The following HSPD1 variants were observed in gnomAD, a reference collection of about 807,000 sequenced individuals.
HSPD1 encodes the protein 60 kDa heat shock protein, mitochondrial.
A neutral mutation model predicts 53.0 loss-of-function variants in HSPD1; 3 were observed. The observed-to-expected ratio is 0.06, with a 90% confidence interval of 0.03 to 0.15. The LOEUF (loss-of-function observed/expected upper bound fraction) is 0.15. Among genes scored for constraint, HSPD1 ranks in the 10% least tolerant of loss-of-function variants. The pLI is 1.00. For missense variants in HSPD1, 431 were observed against 694.1 expected (o/e 0.62, Z 4.26); for synonymous variants, 200 against 228.0 (o/e 0.88, Z 1.10).
At chr2:197,499,152 G>A (rs949474415) in intron 1 of HSPD1, 10 of 467,962 alleles carry the variant, frequency 2.1e-5, no homozygotes, top group African/African-American at 2.0e-4. Flanking sequence ...CGCGAAAACG[G>A]CCTTGTGGGC....
At chr2:197,498,341 C>G (rs1186685653) in intron 2 of HSPD1, among the ~76,000 whole-genome samples, 1 of 152,220 alleles carries the variant, frequency 6.6e-6, no homozygotes, top group Non-Finnish European at 1.5e-5. Context: ...ACTCTTCTCT[C>G]TACACTTGGC....
rs185789599 is a variant in HSPD1 at position 197,488,760 on chromosome 2, C to T, written c.1215+242G>A. On this transcript the variant is annotated intron_variant, in intron 9 of 11. Transcript: ENST00000388968. ...GCAAGTGCCTGTAATCCCAGCTACT[C>T]GGGAGGCCAAGGCAGGAGATTCGCT... 8.5e-5 allele frequency among the ~76,000 whole-genome samples: 13 copies of T among 152,238 alleles called. No homozygotes were observed. In the East Asian group the frequency reaches 2.5e-3, roughly 29 times the overall value.
At chr2:197,500,193 C>T (rs926665699), upstream of HSPD1, 6 of 590,618 alleles carry the variant, frequency 1.0e-5, no homozygotes, top group African/African-American at 3.8e-5. Flanking sequence ...CTAGAAACAG[C>T]TCCTTTTTTC....
At chr2:197,497,066 C>T (rs759157757) in intron 3 of HSPD1, 74 bp downstream of exon 3, 6 of 1,410,544 alleles carry the variant, frequency 4.3e-6, no homozygotes, top group Non-Finnish European at 6.0e-6. Flanking sequence ...TTAACACTTT[C>T]CTTAGGTCCA....
intron 3 of HSPD1, among the ~76,000 whole-genome samples, chr2:197,496,026 CA>C (rs1266592017): frequency 1.3e-5 from 2 of 151,976 alleles, no homozygotes; most frequent in Non-Finnish European, 2.9e-5. Flanking sequence ...TTAGATGATG[CA>C]AAAAAGGACC....
Position 197,487,848 on chromosome 2 carries a change from A to G in HSPD1, c.1569+10T>C. ...ACAAAAGAATTTTTAGAAAGTGTTCAACCATTTACCTTTGTTGGGTCAATG... is the reference window on the plus strand; with the variant it reads ...ACAAAAGAATTTTTAGAAAGTGTTCGACCATTTACCTTTGTTGGGTCAATG... On this transcript the variant is annotated intron_variant, in intron 11 of 11. Coordinates refer to ENST00000388968, the MANE Select transcript of HSPD1 (RefSeq NM_002156.5). 3.7e-6 allele frequency: 6 copies of G among 1,609,268 alleles called. No individual in the cohort carries two copies. The highest frequency in any genetic ancestry group is 5.1e-6 in the Non-Finnish European group (6 of 1,175,616).
chr2:197,496,546 A>T (rs1236605625), intron 3 of HSPD1, among the ~76,000 whole-genome samples: 1 of 152,222 alleles, frequency 6.6e-6, no homozygotes, highest in Admixed American at 6.5e-5. Context: ...ACCAAGTCTT[A>T]GCACACAGCT....
At chr2:197,499,665 G>C (rs1426447531) in intron 1 of HSPD1, 117 bp downstream of exon 1, 1 of 152,158 alleles carries the variant, frequency 6.6e-6, no homozygotes, top group Non-Finnish European at 1.5e-5. Flanking sequence ...CTGCGGTGCG[G>C]CGCGGTGCGG....
chr2:197,495,205 A>G, intron 4 of HSPD1, 89 bp downstream of exon 4: 1 of 748,694 alleles, frequency 1.3e-6, no homozygotes, highest in Non-Finnish European at 2.4e-6. Flanking sequence ...TAGTATTGTT[A>G]TTCTGACATT....
Position 197,488,321 on chromosome 2 carries a change from T to G in HSPD1, c.1386A>C (p.Lys462Asn). Residue 462 changes from lysine to asparagine, a missense_variant, in exon 10 of 12, where the codon AAA becomes AAC. Coordinates refer to ENST00000388968, the MANE Select transcript of HSPD1 (RefSeq NM_002156.5). ...DSLTPANEDQ[K>N]IGIEIIKRTL... ...ATTTAAAAGGTAACTTTTTACCAAT[T>G]TTTTGATCTTCATTAGCTGGAGTCA... The G allele has an allele frequency of 1.9e-6, 3 of 1,613,924 alleles. No homozygotes were observed. Among genetic ancestry groups the G allele is most frequent in the East Asian group, 2.2e-5 (1 of 44,886 alleles).
At chr2:197,494,894 G>A in intron 4 of HSPD1, 142 bp from the exon 5 acceptor site, 1 of 699,564 alleles carries the variant, frequency 1.4e-6, no homozygotes, top group Admixed American at 2.1e-5. Flanking sequence ...TAGTTTTCAT[G>A]AAGTACTGGT....
intron 7 of HSPD1, chr2:197,490,674 A>G (rs1574598193): frequency 3.9e-6 from 1 of 255,834 alleles, no homozygotes. Context: ...ACTGAAAATA[A>G]CAAAAATCAG....
chr2:197,495,823 C>T (rs1043556075), intron 3 of HSPD1, among the ~76,000 whole-genome samples: 4 of 152,112 alleles, frequency 2.6e-5, no homozygotes, highest in Admixed American at 6.6e-5. Context: ...CACAGAGTTG[C>T]GTGGCATGTA....
At chr2:197,494,020 TGAACCCG>T in intron 6 of HSPD1, 130 bp downstream of exon 6, 1 of 586,426 alleles carries the variant, frequency 1.7e-6, no homozygotes, top group Non-Finnish European at 3.1e-6. Flanking sequence ...GAGAATCACT[TGAACCCG>T]GAAGGCGGAG....
At chr2:197,492,238 TG>T (rs1364122132) in intron 7 of HSPD1, among the ~76,000 whole-genome samples, 41 of 152,242 alleles carry the variant, frequency 2.7e-4, no homozygotes, top group Admixed American at 2.7e-3. Context: ...TTGCCCAGGC[TG>T]GGGTGCAGCA....
chr2:197,497,634 C>T (rs535820081), intron 2 of HSPD1: 70 of 550,678 alleles, frequency 1.3e-4, no homozygotes, highest in Non-Finnish European at 1.9e-4. Context: ...AGATTAAAAT[C>T]CTAGGGACTA....
In HSPD1 at chr2:197,486,984, G is replaced by A. The variant is rs1398126288; in HGVS notation, c.*62C>T. 5 of 1,057,722 alleles carry A rather than the reference G, an allele frequency of 4.7e-6. No homozygotes were observed. The highest frequency in any genetic ancestry group is 7.4e-6 in the Non-Finnish European group (5 of 678,202). 65.5% of individuals were successfully genotyped at this position (1,057,722 alleles called of 1,614,324 possible). A position where few individuals can be genotyped will look rare whatever the true frequency, so the allele number is the denominator to read the frequency against. On this transcript the variant is annotated 3_prime_UTR_variant, in exon 12 of 12. Transcript: ENST00000388968. ...CTGACTTCTCTGAAGTTATTGGTGAGGAACACTGCCTTGGGCTTCCTGTCA... is the reference window on the plus strand; with the variant it reads ...CTGACTTCTCTGAAGTTATTGGTGAAGAACACTGCCTTGGGCTTCCTGTCA...
Position 197,486,894 on chromosome 2 carries a change from C to A in HSPD1, c.*152G>T. The stretch of plus-strand genomic sequence containing the variant: ...AGCAGTAAACCATTATATATTTTGT[C>A]AACTGAAACCAGTAACTGATGGTTA... On this transcript the variant is annotated 3_prime_UTR_variant, in exon 12 of 12. Transcript: ENST00000388968. 1.6e-6 allele frequency: 1 copy of A among 641,206 alleles called. No individual in the cohort carries two copies. Among genetic ancestry groups the A allele is most frequent in the East Asian group, 2.7e-5 (1 of 37,524 alleles). 39.7% of individuals were successfully genotyped at this position (641,206 alleles called of 1,614,324 possible).
chr2:197,496,152 C>T (rs746263680), intron 3 of HSPD1, among the ~76,000 whole-genome samples: 19 of 152,108 alleles, frequency 1.2e-4, no homozygotes, highest in Non-Finnish European at 2.1e-4. Context: ...CAATTTAGTA[C>T]GTATTATGAA....
Sources: gnomAD v4.1 joint callset for allele counts (sites outside exome capture counted in the v4.1 genomes callset) on GRCh38, gnomAD v4.1.1 for gene constraint, MANE v1.5 for transcripts, NCBI Gene and HGNC (gene_info 2026-07-23, HGNC 2026-07-21) for gene names.